EPHA6: variants seen among roughly 807,000 people sequenced by gnomAD.
EPHA6 encodes the protein ephrin type-A receptor 6.
EPHA6 carries 50 observed loss-of-function variants against 112.0 expected under a neutral mutation model. The observed-to-expected ratio is 0.45, with a 90% CI of 0.36 to 0.56. The LOEUF (loss-of-function observed/expected upper bound fraction) is 0.56. Among genes scored for constraint, EPHA6 ranks in the 20% least tolerant of loss-of-function variants. EPHA6 has a pLI of 0.00. For missense variants in EPHA6, 1,280 were observed against 1,417.4 expected, an observed-to-expected ratio of 0.90 and a Z score of 1.56; for synonymous variants, 529 against 490.7, an observed-to-expected ratio of 1.08 and a Z score of -1.03.
rs763378493 is a variant in EPHA6, at chr3:96,987,336, G to T, written c.457G>T (p.Ala153Ser). 6 of 1,590,428 alleles carry T rather than the reference G, an allele frequency of 3.8e-6. No individual in the cohort carries two copies. Among genetic ancestry groups the T allele is most frequent in the South Asian group, 3.4e-5 (3 of 89,236 alleles). The change falls in exon 3 of 18, where the codon GCC (alanine) becomes TCC (serine). Residue 153 changes from alanine (A) to serine (S), a missense_variant. By Grantham distance (99) the Ala-to-Ser change is moderately conservative. This residue lies in a region of EPHA6 where 878 missense variants were observed against 999.7 expected (regional missense o/e 0.88). Coordinates refer to ENST00000389672, the MANE Select transcript of EPHA6 (RefSeq NM_001080448.3). ...WKTYPLNGWDAITEMDEHNRP... is the reference protein window; with the variant it reads ...WKTYPLNGWDSITEMDEHNRP... ...CTTTTTTCCCTTTTTGCAGTGGGAT[G>T]CCATCACTGAAATGGATGAACATAA...
At chr3:97,002,656 G>C in intron 3 of EPHA6, among the ~76,000 whole-genome samples, 1 of 151,796 alleles carries the variant, frequency 6.6e-6, no homozygotes, top group South Asian at 2.1e-4. Flanking sequence ...TGTTTTGAGT[G>C]ACATAAAGAA....
At chr3:97,086,278 C>T (rs1183035980) in intron 3 of EPHA6, among the ~76,000 whole-genome samples, 1 of 152,034 alleles carries the variant, frequency 6.6e-6, no homozygotes, top group Non-Finnish European at 1.5e-5. Flanking sequence ...ATACTGTCCT[C>T]ATGCTGAAAT....
intron 7 of EPHA6, among the ~76,000 whole-genome samples, chr3:97,458,440 G>A (rs1473938230): frequency 6.6e-6 from 1 of 152,078 alleles, no homozygotes; most frequent in African/African-American, 2.4e-5. Context: ...TGCATAATCA[G>A]TGAGCAGACT....
In EPHA6 at chr3:97,614,334, C is replaced by CT. The variant is rs11288058; in HGVS notation, c.2574+3499dup. ...GTTCATGAGAGAAAAGGTATACTTA[C>CT]TTTTTTTTTTTTTTTTTTTGAGACA... On this transcript the variant is annotated intron_variant, in intron 13 of 17. Transcript: ENST00000389672. Among the ~76,000 whole-genome samples the CT allele has an allele frequency of 1.3e-3, 158 of 124,720 alleles. 1 individual carries two copies. Among genetic ancestry groups the CT allele is most frequent in the South Asian group, 5.8e-3 (23 of 3,970 alleles). 81.8% of individuals were successfully genotyped at this position (124,720 alleles called of 152,430 possible).
In EPHA6 at chr3:97,484,299, G is replaced by T. The variant is rs1476748378; in HGVS notation, c.2200+240G>T. Among the ~76,000 whole-genome samples the T allele has an allele frequency of 5.9e-5, 9 of 152,080 alleles. No homozygotes were observed. In the South Asian group the frequency reaches 1.7e-3, roughly 28 times the overall value. On this transcript the variant is annotated intron_variant, in intron 10 of 17. Transcript: ENST00000389672. ...TTCTATAGTCTTTTTTTATAGTAGA[G>T]ATAAATTACAATGAAACTATAATTT...
At chr3:97,036,813 C>T (rs2045115725) in intron 3 of EPHA6, among the ~76,000 whole-genome samples, 1 of 151,954 alleles carries the variant, frequency 6.6e-6, no homozygotes, top group Non-Finnish European at 1.5e-5. Flanking sequence ...TTTAGATCCT[C>T]TTCCTGTATT....
intron 10 of EPHA6, among the ~76,000 whole-genome samples, chr3:97,488,681 C>T (rs1288290492): frequency 6.6e-6 from 1 of 152,040 alleles, no homozygotes; most frequent in African/African-American, 2.4e-5. Context: ...ATTTTAAAAC[C>T]TTGTGTTTAT....
At chr3:97,180,971 CT>C (rs1276429405) in intron 3 of EPHA6, among the ~76,000 whole-genome samples, 1 of 151,914 alleles carries the variant, frequency 6.6e-6, no homozygotes, top group South Asian at 2.1e-4. Context: ...ATGGCTTAGA[CT>C]ACCTTTCAAG....
intron 5 of EPHA6, among the ~76,000 whole-genome samples, chr3:97,284,844 A>G (rs955107833): frequency 6.6e-6 from 1 of 152,186 alleles, no homozygotes; most frequent in African/African-American, 2.4e-5. Context: ...TAATTAAAAT[A>G]TTTACATAGA....
chr3:97,698,713 T>A (rs2033191851), intron 14 of EPHA6, among the ~76,000 whole-genome samples: 1 of 152,226 alleles, frequency 6.6e-6, no homozygotes, highest in Non-Finnish European at 1.5e-5. Context: ...ATATGGCAAT[T>A]ATCGGGCATG....
At chr3:97,567,707 A>G (rs1045462073) in intron 11 of EPHA6, among the ~76,000 whole-genome samples, 3 of 152,200 alleles carry the variant, frequency 2.0e-5, no homozygotes, top group African/African-American at 7.2e-5. Context: ...CCACAATACA[A>G]GGAACACTAA....
At chr3:97,312,165 A>T (rs1274460873) in intron 5 of EPHA6, among the ~76,000 whole-genome samples, 1 of 151,644 alleles carries the variant, frequency 6.6e-6, no homozygotes, top group Non-Finnish European at 1.5e-5. Flanking sequence ...TCATTTATAA[A>T]TTCTAAAATG....
Position 97,349,090 on chromosome 3 carries a change from T to C in EPHA6, c.1607-56060T>C, listed in dbSNP as rs1457391132. On this transcript the variant is annotated intron_variant, in intron 5 of 17. Coordinates refer to ENST00000389672, the MANE Select transcript of EPHA6 (RefSeq NM_001080448.3). ...GTACTTATCTGAATATTAAAACATA[T>C]TTCCTATCACTGCTTCATGTATCCT... Among the ~76,000 whole-genome samples the C allele has an allele frequency of 3.9e-5, 6 of 152,250 alleles. No individual in the cohort carries two copies. The South Asian group carries it at 1.0e-3, about 26-fold the overall frequency.
At chr3:97,330,882 T>C (rs554223505) in intron 5 of EPHA6, among the ~76,000 whole-genome samples, 1 of 152,246 alleles carries the variant, frequency 6.6e-6, no homozygotes, top group South Asian at 2.1e-4. Flanking sequence ...AACTCAGCTC[T>C]GCACCAAGTG....
intron 3 of EPHA6, among the ~76,000 whole-genome samples, chr3:97,007,741 C>T (rs1292636925): frequency 6.6e-6 from 1 of 152,076 alleles, no homozygotes. Context: ...TGGCAGGTAC[C>T]AGTTTTTCCT....
chr3:97,697,112 T>TA (rs1488707742), intron 14 of EPHA6, among the ~76,000 whole-genome samples: 2 of 152,222 alleles, frequency 1.3e-5, no homozygotes, highest in Non-Finnish European at 2.9e-5. Context: ...CCCGTGGTCC[T>TA]ATTACAGCTC....
chr3:97,687,320 T>C (rs1430493283), intron 14 of EPHA6, among the ~76,000 whole-genome samples: 1 of 152,238 alleles, frequency 6.6e-6, no homozygotes, highest in Non-Finnish European at 1.5e-5. Flanking sequence ...TCTCAATCTG[T>C]GTCTTCAGTT....
intron 6 of EPHA6, among the ~76,000 whole-genome samples, chr3:97,431,825 G>T (rs1319451018): frequency 1.3e-5 from 2 of 152,108 alleles, no homozygotes; most frequent in Non-Finnish European, 2.9e-5. Context: ...GCACAGGAAT[G>T]AAGGGTTTTA....
intron 14 of EPHA6, among the ~76,000 whole-genome samples, chr3:97,719,079 GC>G (rs1221687957): frequency 0.16 from 6,582 of 41,172 alleles, 598 homozygotes; most frequent in African/African-American, 0.39. Flanking sequence ...ATCCGTTCCC[GC>G]CCCCCCCACC....
Sources: gnomAD v4.1 joint callset for allele counts (sites outside exome capture counted in the v4.1 genomes callset) on GRCh38, gnomAD v4.1.1 for gene constraint, gnomAD v4.1.1 regional missense constraint, MANE v1.5 for transcripts, NCBI Gene and HGNC (gene_info 2026-07-23, HGNC 2026-07-21) for gene names.